RGS6: variants seen among roughly 807,000 people sequenced by gnomAD.
The protein encoded by RGS6 is regulator of G-protein signaling 6.
In RGS6, 30 loss-of-function variants were observed where a neutral mutation model predicts 78.5. The ratio of observed to expected loss-of-function variants is 0.38; its 90% confidence interval spans 0.29 to 0.52. The LOEUF (loss-of-function observed/expected upper bound fraction) is 0.52. RGS6 is among the 20% of genes least tolerant of loss of function. The pLI is 0.85. For synonymous variants in RGS6, 206 were observed against 206.0 expected (o/e 1.00, Z 0.00); for missense variants, 495 against 609.7 (o/e 0.81, Z 1.98).
chr14:72,065,657 A>C (rs1193548335), intron 2 of RGS6, among the ~76,000 whole-genome samples: 2 of 152,210 alleles, frequency 1.3e-5, no homozygotes, highest in Non-Finnish European at 2.9e-5. Context: ...CTTTATTTTC[A>C]GATCTTTAAC....
the RGS6 span, among the ~76,000 whole-genome samples, chr14:71,917,471 A>C: frequency 8.5e-5 from 13 of 152,310 alleles, 1 homozygote; most frequent in South Asian, 2.7e-3. Flanking sequence ...CGAATTAATC[A>C]GACTTCTCTG....
At chr14:71,921,690 G>C in the RGS6 span, among the ~76,000 whole-genome samples, 1 of 152,232 alleles carries the variant, frequency 6.6e-6, no homozygotes, top group African/African-American at 2.4e-5. Context: ...AAGAATGGTG[G>C]TTGCCAGAGG....
intron 2 of RGS6, among the ~76,000 whole-genome samples, chr14:72,263,467 C>T (rs1241468117): frequency 2.0e-5 from 3 of 152,102 alleles, no homozygotes; most frequent in Non-Finnish European, 4.4e-5. Context: ...CTCCAACCTC[C>T]CCCTTCTCTA....
chr14:72,415,147 G>A (rs1249219079), intron 3 of RGS6, among the ~76,000 whole-genome samples: 1 of 152,274 alleles, frequency 6.6e-6, no homozygotes, highest in Non-Finnish European at 1.5e-5. Flanking sequence ...GGTGGAGGCT[G>A]CAGAGGCAGG....
intron 2 of RGS6, among the ~76,000 whole-genome samples, chr14:72,063,171 T>C (rs1347033597): frequency 1.3e-5 from 2 of 151,850 alleles, no homozygotes; most frequent in East Asian, 3.9e-4. Flanking sequence ...GAAAAGATGT[T>C]GAAGAACTGA....
the RGS6 span, among the ~76,000 whole-genome samples, chr14:71,867,407 A>G: frequency 6.7e-6 from 1 of 148,772 alleles, no homozygotes; most frequent in African/African-American, 2.5e-5. Flanking sequence ...AAATCCCAGT[A>G]CTCCTTGCAG....
At chr14:72,463,539 C>T (rs895944718) in intron 6 of RGS6, among the ~76,000 whole-genome samples, 1 of 152,262 alleles carries the variant, frequency 6.6e-6, no homozygotes, top group Non-Finnish European at 1.5e-5. Context: ...TAACTCACTT[C>T]ACAACCCCGC....
chr14:72,152,151 T>G (rs1436398710), intron 2 of RGS6, among the ~76,000 whole-genome samples: 2 of 151,830 alleles, frequency 1.3e-5, no homozygotes, highest in Non-Finnish European at 2.9e-5. Flanking sequence ...GAAGAAGAGT[T>G]GGATCAGGCT....
intron 2 of RGS6, among the ~76,000 whole-genome samples, chr14:72,315,001 A>G (rs931996669): frequency 1.3e-5 from 2 of 152,220 alleles, no homozygotes; most frequent in African/African-American, 4.8e-5. Context: ...ACCTTAAGCT[A>G]TCCTTCCCCC....
In RGS6 at chr14:72,474,635, T is replaced by C; in HGVS notation, c.629T>C (p.Val210Ala). 2 of 1,610,204 alleles carry C rather than the reference T, an allele frequency of 1.2e-6. No homozygotes were observed. The highest frequency in any genetic ancestry group is 1.7e-6 in the Non-Finnish European group (2 of 1,178,732). Reference sequence around the variant, plus strand: ...TTTTTTTTTTCTCAGCCAGGCTGTGTGAACACAACAGAAATGGATATCCGA... The same window carrying C: ...TTTTTTTTTTCTCAGCCAGGCTGTGCGAACACAACAGAAATGGATATCCGA... ...WDVHRPVPGC[V>A]NTTEMDIRKC... The change falls in exon 10 of 18, where the codon GTG becomes GCG. Residue 210 changes from valine (V) to alanine (A), a missense_variant. Val to Ala is a moderately conservative substitution (Grantham distance 64). Transcript: ENST00000553525.
At chr14:72,090,772 C>A (rs867628178) in intron 2 of RGS6, among the ~76,000 whole-genome samples, 71 of 152,242 alleles carry the variant, frequency 4.7e-4, no homozygotes, top group African/African-American at 1.6e-3. Context: ...AGTGCCCAGC[C>A]AGGGAGTGTT....
chr14:72,001,512 AC>A (rs2083431305), intron 2 of RGS6, among the ~76,000 whole-genome samples: 1 of 143,216 alleles, frequency 7.0e-6, no homozygotes, highest in Non-Finnish European at 1.5e-5. Flanking sequence ...ACACACACAC[AC>A]ACACACACAA....
intron 2 of RGS6, among the ~76,000 whole-genome samples, chr14:72,291,261 T>C (rs552395286): frequency 1.2e-4 from 18 of 152,174 alleles, no homozygotes; most frequent in African/African-American, 4.3e-4. Context: ...CATAGTTATA[T>C]GTCCCTCAAA....
the RGS6 span, among the ~76,000 whole-genome samples, chr14:71,920,056 A>G: frequency 2.0e-5 from 3 of 152,204 alleles, no homozygotes; most frequent in Non-Finnish European, 4.4e-5. Context: ...TGTTCAATAT[A>G]TGTAGCTAGG....
chr14:71,997,341 A>C (rs969035399), intron 2 of RGS6, among the ~76,000 whole-genome samples: 1 of 152,182 alleles, frequency 6.6e-6, no homozygotes, highest in Non-Finnish European at 1.5e-5. Flanking sequence ...TCCAGAGCGC[A>C]GTTGTATACA....
At chr14:72,011,456 A>G (rs915134941) in intron 2 of RGS6, among the ~76,000 whole-genome samples, 5 of 152,148 alleles carry the variant, frequency 3.3e-5, no homozygotes, top group Admixed American at 3.3e-4. Context: ...CATTTTGCTC[A>G]TGGCATTCCC....
intron 2 of RGS6, among the ~76,000 whole-genome samples, chr14:72,014,960 T>G (rs2153233098): frequency 6.6e-6 from 1 of 152,360 alleles, no homozygotes; most frequent in East Asian, 1.9e-4. Context: ...AATTATCTTG[T>G]GTGTGTCCTT....
chr14:72,519,811 G>A (rs370715998), intron 15 of RGS6, among the ~76,000 whole-genome samples: 1 of 152,192 alleles, frequency 6.6e-6, no homozygotes, highest in Non-Finnish European at 1.5e-5. Flanking sequence ...TTCCGTGGGG[G>A]TTCCCTGCAT....
chr14:72,277,431 A>G (rs1045763155), intron 2 of RGS6, among the ~76,000 whole-genome samples: 1 of 151,550 alleles, frequency 6.6e-6, no homozygotes, highest in Admixed American at 6.6e-5. Flanking sequence ...CTCCCTGTCT[A>G]CTAAAAATAC....
Sources: allele counts gnomAD v4.1 joint callset (sites outside exome capture counted in the v4.1 genomes callset), GRCh38; gene constraint gnomAD v4.1.1; transcripts MANE v1.5; gene names NCBI Gene and HGNC (gene_info 2026-07-23, HGNC 2026-07-21).